Variants in LRP2 observed in about 807,000 individuals in gnomAD.
LRP2 encodes LDL receptor related protein 2, also known as low-density lipoprotein receptor-related protein 2.
LRP2 carries 172 observed loss-of-function variants against 531.0 expected under a neutral mutation model. That is an observed-to-expected ratio of 0.32 (90% CI 0.29 to 0.37). LRP2 has a LOEUF of 0.37. LRP2 is among the 10% of genes least tolerant of loss of function. The pLI, the probability that LRP2 is intolerant of heterozygous loss-of-function variation, is 1.00. For missense variants in LRP2, 5,167 were observed against 5,868.3 expected (o/e 0.88, Z 3.90); for synonymous variants, 1,992 against 2,027.6 (o/e 0.98, Z 0.47).
chr2:169,203,437 T>C (rs888568770), intron 42 of LRP2, among the ~76,000 whole-genome samples: 3 of 152,234 alleles, frequency 2.0e-5, no homozygotes, highest in African/African-American at 7.2e-5. Flanking sequence ...CCTTCATCTT[T>C]CTTTCTAACT....
chr2:169,182,456 G>T, intron 50 of LRP2, 137 bp from the exon 51 acceptor site: 1 of 1,557,660 alleles, frequency 6.4e-7, no homozygotes, highest in Non-Finnish European at 8.6e-7. Flanking sequence ...GCAAATGAGG[G>T]CAGGGGAAAA....
chr2:169,315,480 A>G (rs1684732934), intron 3 of LRP2, among the ~76,000 whole-genome samples: 1 of 152,170 alleles, frequency 6.6e-6, no homozygotes, highest in African/African-American at 2.4e-5. Flanking sequence ...GACTGTCTAG[A>G]ACCGAGCATT....
intron 48 of LRP2, among the ~76,000 whole-genome samples, chr2:169,189,799 A>G (rs1687767964): frequency 1.9e-5 from 2 of 104,200 alleles, no homozygotes; most frequent in African/African-American, 5.1e-5. Context: ...TCAAACAAAC[A>G]GTATTTTTTT....
intron 59 of LRP2, among the ~76,000 whole-genome samples, chr2:169,170,189 A>G (rs1374894795): frequency 6.6e-6 from 1 of 152,200 alleles, no homozygotes; most frequent in Non-Finnish European, 1.5e-5. Flanking sequence ...TGATCTCTAC[A>G]CAAGAGAGTC....
chr2:169,193,807 A>T lies in LRP2; in HGVS notation c.8784T>A (p.Asp2928Glu). Residue 2928 changes from aspartate (D) to glutamate (E), a missense_variant, in exon 47 of 79, where the codon GAT becomes GAA. Physicochemically the swap from Asp to Glu is conservative, Grantham distance 45 (BLOSUM62 2). Transcript: ENST00000649046. The part of the protein sequence containing the change: ...CIPSEWICDG[D>E]NDCGDMSDED... Reference sequence around the variant, plus strand: ...CGTCACTCATATCCCCACAGTCATTATCACCGTCACAGATCCATTCGCTTG... The same window carrying T: ...CGTCACTCATATCCCCACAGTCATTTTCACCGTCACAGATCCATTCGCTTG... The T allele has an allele frequency of 6.2e-7, 1 of 1,614,182 alleles. No individual in the cohort carries two copies.
intron 16 of LRP2, among the ~76,000 whole-genome samples, chr2:169,262,827 A>G (rs1259533898): frequency 6.6e-6 from 1 of 152,060 alleles, no homozygotes; most frequent in Non-Finnish European, 1.5e-5. Flanking sequence ...GAGGCATCAC[A>G]CTACCTGACT....
chr2:169,204,093 T>A lies in LRP2; in HGVS notation c.7894A>T (p.Asn2632Tyr), dbSNP rs17848169. 2.5e-6 allele frequency: 4 copies of A among 1,614,034 alleles called. No individual in the cohort carries two copies. The highest frequency in any genetic ancestry group is 2.2e-5 in the East Asian group (1 of 44,896). Residue 2632 changes from asparagine (N) to tyrosine (Y), a missense_variant, in exon 42 of 79, where the codon AAT (asparagine) becomes TAT (tyrosine). Asn to Tyr is a moderately radical substitution (Grantham distance 143). Transcript: ENST00000649046. ...ATTCCCCTGGGCTGGGAGAGCAAAT[T>A]TGTGGTCATTGCAATCTGACCTGAC... ...DGSGQIAMTT[N>Y]LLSQPRGINT...
At chr2:169,245,017 CT>C (rs1293847537) in intron 21 of LRP2, 85 bp from the exon 22 acceptor site, 10 of 1,460,912 alleles carry the variant, frequency 6.8e-6, no homozygotes, top group Non-Finnish European at 8.6e-6. Context: ...CTCAGTTCAC[CT>C]TTTTTAATGG....
intron 52 of LRP2, among the ~76,000 whole-genome samples, chr2:169,179,547 C>A (rs1224567353): frequency 3.9e-5 from 6 of 151,932 alleles, no homozygotes; most frequent in Non-Finnish European, 8.8e-5. Context: ...ATGGAGAAAC[C>A]CTGTCTCTAC....
chr2:169,158,479 T>A (rs1426225533), intron 63 of LRP2, among the ~76,000 whole-genome samples: 2 of 152,024 alleles, frequency 1.3e-5, no homozygotes, highest in Non-Finnish European at 2.9e-5. Context: ...TGTCTGGAAC[T>A]TACGCTGACA....
chr2:169,327,645 T>C lies in LRP2; in HGVS notation c.80-6761A>G, dbSNP rs1456785994. The stretch of plus-strand genomic sequence containing the variant: ...CCCCTCTGCCGGGCCAGCCACCCCG[T>C]CCGGGAGGGAGGTGGGGGGCTCAGC... On this transcript the variant is annotated intron_variant, in intron 1 of 78. Transcript: ENST00000649046. Among the ~76,000 whole-genome samples the C allele has an allele frequency of 1.9e-4, 8 of 41,352 alleles. 1 individual carries two copies. Among genetic ancestry groups the C allele is most frequent in the African/African-American group, 8.6e-4 (8 of 9,336 alleles). The allele number at this position is 41,352 out of a possible 152,430, so 27.1% of individuals were successfully genotyped here. A position where few individuals can be genotyped will look rare whatever the true frequency, so the allele number is the denominator to read the frequency against.
intron 42 of LRP2, among the ~76,000 whole-genome samples, chr2:169,203,359 T>C (rs1025594528): frequency 5.3e-5 from 8 of 152,154 alleles, no homozygotes; most frequent in Non-Finnish European, 7.3e-5. Context: ...AAAATGTAAA[T>C]CCTTTTATAA....
At position 169,280,263 on chromosome 2, in the gene LRP2, A is replaced by G. The variant is rs1258360477; in HGVS notation, c.1341+87T>C. On this transcript the variant is annotated intron_variant, in intron 11 of 78. Coordinates refer to ENST00000649046, the MANE Select transcript of LRP2 (RefSeq NM_004525.3). ...GGCCTTTTTTGTTAGAAAACAAAGG[A>G]ACTTTCCCCTCTACTCCCTCTAAAA... The G allele has an allele frequency of 4.8e-6, 7 of 1,466,848 alleles. No individual in the cohort carries two copies. In the Admixed American group the frequency reaches 1.2e-4, roughly 26 times the overall value. The allele number at this position is 1,466,848 out of a possible 1,614,324, so 90.9% of individuals were successfully genotyped here. A position where few individuals can be genotyped will look rare whatever the true frequency, so the allele number is the denominator to read the frequency against.
At chr2:169,160,818 G>A (rs1182893173) in intron 63 of LRP2, among the ~76,000 whole-genome samples, 1 of 152,092 alleles carries the variant, frequency 6.6e-6, no homozygotes, top group Non-Finnish European at 1.5e-5. Context: ...TCATGTTCAG[G>A]CTTTTAAAAT....
intron 16 of LRP2, 120 bp from the exon 17 acceptor site, chr2:169,259,337 G>T: frequency 5.3e-4 from 241 of 454,292 alleles, no homozygotes; most frequent in East Asian, 6.3e-4. Flanking sequence ...AACACATGTG[G>T]AATTCTTTAA....
chr2:169,255,984 A>AT lies in LRP2; in HGVS notation c.2770+121dup. On this transcript the variant is annotated intron_variant, in intron 19 of 78. Coordinates refer to ENST00000649046, the MANE Select transcript of LRP2 (RefSeq NM_004525.3). ...GTCTAAATATATAGCACCATTTTAAATTTTTTCATTTTAAAGTGGCCAGCT... is the reference window on the plus strand; with the variant it reads ...GTCTAAATATATAGCACCATTTTAAATTTTTTTCATTTTAAAGTGGCCAGCT... 3.0e-6 allele frequency: 3 copies of AT among 1,004,162 alleles called. No individual in the cohort carries two copies. The South Asian group carries it at 4.3e-5, about 14-fold the overall frequency. The allele number at this position is 1,004,162 out of a possible 1,614,324, so 62.2% of individuals were successfully genotyped here.
rs79205869 is a variant in LRP2, at chr2:169,248,403, T to C, written c.2771-888A>G. The stretch of plus-strand genomic sequence containing the variant: ...GGTCTAATCAATGACCAATCAGTCA[T>C]TGGACTCCCTAAATCTTTCTAGAGC... On this transcript the variant is annotated intron_variant, in intron 19 of 78. Coordinates refer to ENST00000649046, the MANE Select transcript of LRP2 (RefSeq NM_004525.3). 4.9e-3 allele frequency among the ~76,000 whole-genome samples: 745 copies of C among 152,326 alleles called. 3 individuals carry two copies. Among genetic ancestry groups the C allele is most frequent in the East Asian group, 0.018 (93 of 5,180 alleles).
chr2:169,337,171 G>A (rs1685428306), intron 1 of LRP2, among the ~76,000 whole-genome samples: 1 of 152,158 alleles, frequency 6.6e-6, no homozygotes. Flanking sequence ...TTATTCACGG[G>A]AAGGTTTGAG....
intron 25 of LRP2, chr2:169,240,726 G>C (rs528684768): frequency 1.7e-6 from 1 of 575,700 alleles, no homozygotes; most frequent in South Asian, 2.4e-5. Flanking sequence ...CAATCTAATG[G>C]CCTCAATTTA....
Sources: allele counts gnomAD v4.1 joint callset (sites outside exome capture counted in the v4.1 genomes callset), GRCh38; gene constraint gnomAD v4.1.1; transcripts MANE v1.5; gene names NCBI Gene and HGNC (gene_info 2026-07-23, HGNC 2026-07-21).